The following PDGFD variants were observed in gnomAD, a reference collection of about 807,000 sequenced individuals.
PDGFD encodes the protein platelet derived growth factor D.
In PDGFD, 30 loss-of-function variants were observed where a neutral mutation model predicts 44.7. That is an observed-to-expected ratio of 0.67 (90% CI 0.50 to 0.91). The LOEUF is 0.91. PDGFD is among the 40% of genes least tolerant of loss of function. The pLI is 0.00. For missense variants in PDGFD, 445 were observed against 457.8 expected, an observed-to-expected ratio of 0.97 and a Z score of 0.25; for synonymous variants, 173 against 168.4, an observed-to-expected ratio of 1.03 and a Z score of -0.21.
chr11:104,051,287 C>A (rs1860532705), intron 1 of PDGFD, among the ~76,000 whole-genome samples: 1 of 152,016 alleles, frequency 6.6e-6, no homozygotes, highest in South Asian at 2.1e-4. Context: ...TGGTATTGAC[C>A]ACAAGGACCC....
chr11:103,915,605 T>C (rs113815929), intron 6 of PDGFD, among the ~76,000 whole-genome samples: 69,580 of 151,944 alleles, frequency 0.46, 16,035 homozygotes, highest in South Asian at 0.49. Context: ...AAATTTCATA[T>C]GGAACCAAAA....
intron 1 of PDGFD, among the ~76,000 whole-genome samples, chr11:104,096,221 T>C (rs754258713): frequency 7.4e-6 from 1 of 135,152 alleles, no homozygotes; most frequent in Non-Finnish European, 1.6e-5. Flanking sequence ...ATATGTCCAA[T>C]AGCTGTTTTA....
At chr11:104,036,716 T>C (rs1860239599) in intron 1 of PDGFD, 1 of 858,636 alleles carries the variant, frequency 1.2e-6, no homozygotes, top group Non-Finnish European at 1.9e-6. Context: ...GGACGGTCCC[T>C]ACCTACCAAG....
rs189760907 is a variant in PDGFD, at chr11:103,982,956, T to C, written c.510+13109A>G. Reference sequence around the variant, plus strand: ...TGGAAAAACATTCCATGCTCATGGATAGAGAGAAGCAGTATCATGAAAATG... The same window carrying C: ...TGGAAAAACATTCCATGCTCATGGACAGAGAGAAGCAGTATCATGAAAATG... On this transcript the variant is annotated intron_variant, in intron 3 of 6. Transcript: ENST00000393158. 3.1e-3 allele frequency among the ~76,000 whole-genome samples: 464 copies of C among 151,908 alleles called. 18 individuals carry two copies. Among genetic ancestry groups the C allele is most frequent in the African/African-American group, 0.011 (453 of 41,246 alleles).
At chr11:103,911,543 A>C (rs897263353) in intron 6 of PDGFD, among the ~76,000 whole-genome samples, 1 of 152,136 alleles carries the variant, frequency 6.6e-6, no homozygotes, top group Non-Finnish European at 1.5e-5. Flanking sequence ...GAAACACTGA[A>C]AATTCCAAAA....
At chr11:104,062,927 G>A (rs1034111949) in intron 1 of PDGFD, among the ~76,000 whole-genome samples, 1 of 152,250 alleles carries the variant, frequency 6.6e-6, no homozygotes, top group Admixed American at 6.5e-5. Context: ...GTGAAACGTT[G>A]TGAACCTCTA....
At chr11:103,924,993 G>A (rs1422177103) in intron 6 of PDGFD, among the ~76,000 whole-genome samples, 1 of 151,960 alleles carries the variant, frequency 6.6e-6, no homozygotes, top group Admixed American at 6.6e-5. Flanking sequence ...CCCCCAGTGT[G>A]TGATGTTCCC....
At chr11:104,065,649 T>C (rs1860779964) in intron 1 of PDGFD, among the ~76,000 whole-genome samples, 1 of 152,178 alleles carries the variant, frequency 6.6e-6, no homozygotes, top group South Asian at 2.1e-4. Context: ...CTTCATCAAA[T>C]TCAAAAATGA....
At chr11:103,922,319 C>T (rs892604848) in intron 6 of PDGFD, among the ~76,000 whole-genome samples, 3 of 152,108 alleles carry the variant, frequency 2.0e-5, no homozygotes, top group Non-Finnish European at 4.4e-5. Flanking sequence ...AATCACTACC[C>T]AAATTATCTT....
intron 1 of PDGFD, among the ~76,000 whole-genome samples, chr11:104,119,673 A>C (rs1431611615): frequency 1.2e-5 from 1 of 85,678 alleles, no homozygotes; most frequent in African/African-American, 4.8e-5. Flanking sequence ...ATATATCGAT[A>C]TATATATCGA....
intron 5 of PDGFD, among the ~76,000 whole-genome samples, chr11:103,939,607 T>C (rs1858550939): frequency 6.6e-6 from 1 of 152,158 alleles, no homozygotes; most frequent in Non-Finnish European, 1.5e-5. Flanking sequence ...AGTTTAGTTT[T>C]AGTTAAACTG....
At chr11:104,012,794 T>G (rs1343724511) in intron 1 of PDGFD, among the ~76,000 whole-genome samples, 1 of 152,214 alleles carries the variant, frequency 6.6e-6, no homozygotes, top group African/African-American at 2.4e-5. Flanking sequence ...GAAAATGAAC[T>G]TTTAGTACTG....
At chr11:104,038,174 C>A in intron 1 of PDGFD, 1 of 733,522 alleles carries the variant, frequency 1.4e-6, no homozygotes, top group Non-Finnish European at 2.2e-6. Flanking sequence ...AATCCTGATT[C>A]CTTGGTCTTG....
intron 1 of PDGFD, among the ~76,000 whole-genome samples, chr11:104,062,732 C>T (rs566655551): frequency 3.3e-5 from 5 of 152,104 alleles, no homozygotes; most frequent in South Asian, 2.1e-4. Context: ...TACTTCCTGG[C>T]GACAAACAGG....
At chr11:103,926,141 C>A (rs1858312018) in intron 6 of PDGFD, among the ~76,000 whole-genome samples, 1 of 152,148 alleles carries the variant, frequency 6.6e-6, no homozygotes, top group African/African-American at 2.4e-5. Flanking sequence ...CTGACCAGGC[C>A]ATGCTGGCCA....
At chr11:103,936,614 G>A (rs1327573653) in intron 5 of PDGFD, among the ~76,000 whole-genome samples, 1 of 152,050 alleles carries the variant, frequency 6.6e-6, no homozygotes. Flanking sequence ...AGAGTCAAAT[G>A]TTTTAGATTT....
rs1355906955 is a variant in PDGFD, at chr11:104,065,677, T to G, written c.125-65422A>C. Among the ~76,000 whole-genome samples the G allele has an allele frequency of 5.9e-5, 9 of 152,204 alleles. 1 individual carries two copies. The highest frequency in any genetic ancestry group is 5.9e-4 in the Admixed American group (9 of 15,290). On this transcript the variant is annotated intron_variant, in intron 1 of 6. Coordinates refer to ENST00000393158, the MANE Select transcript of PDGFD (RefSeq NM_025208.5). ...AAAAATGATAATAAATATTCAAAAT[T>G]CAACCTTTGGGTAATGTCATTTCTA...
At chr11:103,967,912 T>A (rs1335704228) in intron 3 of PDGFD, among the ~76,000 whole-genome samples, 2 of 152,198 alleles carry the variant, frequency 1.3e-5, no homozygotes, top group Non-Finnish European at 2.9e-5. Context: ...TTGAAACAGT[T>A]TGTAATTGTT....
chr11:104,120,829 T>G (rs1861768774), intron 1 of PDGFD, among the ~76,000 whole-genome samples: 2 of 151,984 alleles, frequency 1.3e-5, no homozygotes, highest in African/African-American at 4.8e-5. Flanking sequence ...AGGAGCCTAC[T>G]ACTGTGATTT....
Sources: allele counts gnomAD v4.1 joint callset (sites outside exome capture counted in the v4.1 genomes callset), GRCh38; gene constraint gnomAD v4.1.1; transcripts MANE v1.5; gene names NCBI Gene and HGNC (gene_info 2026-07-23, HGNC 2026-07-21).